The following MYOM1 variants were observed in gnomAD, a reference collection of about 807,000 sequenced individuals.
MYOM1 encodes the protein myomesin 1, also known as myomesin-1.
A neutral mutation model predicts 205.3 loss-of-function variants in MYOM1; 164 were observed. The observed-to-expected ratio is 0.80, with a 90% CI of 0.70 to 0.91. MYOM1 has a LOEUF of 0.91. MYOM1 is among the 40% of genes least tolerant of loss of function. The pLI is 0.00. For missense variants in MYOM1, 2,011 were observed against 2,127.3 expected, an observed-to-expected ratio of 0.95 and a Z score of 1.08; for synonymous variants, 772 against 789.4, an observed-to-expected ratio of 0.98 and a Z score of 0.37.
intron 13 of MYOM1, among the ~76,000 whole-genome samples, chr18:3,148,269 C>T (rs2080158265): frequency 6.6e-6 from 1 of 152,306 alleles, no homozygotes; most frequent in South Asian, 2.1e-4. Context: ...CATATGTCCA[C>T]AGAAACAGTT....
At chr18:3,164,869 T>C (rs1416719775) in intron 9 of MYOM1, among the ~76,000 whole-genome samples, 1 of 152,250 alleles carries the variant, frequency 6.6e-6, no homozygotes, top group Non-Finnish European at 1.5e-5. Context: ...CCTTGATTGA[T>C]AATAAGATAT....
chr18:3,218,040 G>A (rs2081291298), intron 1 of MYOM1, among the ~76,000 whole-genome samples: 1 of 152,106 alleles, frequency 6.6e-6, no homozygotes, highest in African/African-American at 2.4e-5. Flanking sequence ...TAAGAGAGTC[G>A]ATTCCCAGGG....
In MYOM1 at chr18:3,141,991, C is replaced by T; in HGVS notation, c.1973G>A (p.Trp658Ter). 1.2e-6 allele frequency: 2 copies of T among 1,613,860 alleles called. No individual in the cohort carries two copies. The highest frequency in any genetic ancestry group is 2.7e-5 in the African/African-American group (2 of 75,006). ...EATRSYVVLS[W>*]KPPGQRGHEG... ...ATGACCACGCTGGCCAGGGGGCTTC[C>T]AGCTGAGCACCACATAGCTCCGGGT... Residue 658 changes from tryptophan (W) to a stop codon, truncating the protein, a stop_gained, in exon 14 of 38, where the codon TGG becomes TAG. Coordinates refer to ENST00000356443, the MANE Select transcript of MYOM1 (RefSeq NM_003803.4). LOFTEE classifies it high-confidence loss of function.
chr18:3,136,120 CTTCT>C (rs1274688376), intron 14 of MYOM1, among the ~76,000 whole-genome samples: 3 of 151,596 alleles, frequency 2.0e-5, no homozygotes, highest in Non-Finnish European at 4.4e-5. Flanking sequence ...CTTGGCTCTC[CTTCT>C]GTCTTGCCTG....
In MYOM1 at chr18:3,209,312, G is replaced by C. The variant is rs896028773; in HGVS notation, c.290+5622C>G. 6.6e-6 allele frequency among the ~76,000 whole-genome samples: 1 copy of C among 152,270 alleles called. No individual in the cohort carries two copies. The highest frequency in any genetic ancestry group is 6.5e-5 in the Admixed American group (1 of 15,292). On this transcript the variant is annotated intron_variant, in intron 2 of 37. Coordinates refer to ENST00000356443, the MANE Select transcript of MYOM1 (RefSeq NM_003803.4). This position sits in a 1 kb window ranked among gnomAD's most constrained non-coding sequence, Gnocchi z 4.0. ...CTGACGGAATTCAGAACTCAGCCATGACCAGTAGATCCTCACATCTGGCCA... is the reference window on the plus strand; with the variant it reads ...CTGACGGAATTCAGAACTCAGCCATCACCAGTAGATCCTCACATCTGGCCA...
chr18:3,197,737 G>A (rs1487252727), intron 2 of MYOM1, among the ~76,000 whole-genome samples: 7 of 151,880 alleles, frequency 4.6e-5, no homozygotes, highest in Non-Finnish European at 7.4e-5. Context: ...GCTGGGCATG[G>A]TGGCAGGCGC....
chr18:3,202,261 C>T (rs2081078521), intron 2 of MYOM1, among the ~76,000 whole-genome samples: 1 of 151,818 alleles, frequency 6.6e-6, no homozygotes, highest in Non-Finnish European at 1.5e-5. Context: ...CAAAATAAGG[C>T]AATAAAGGAG....
intron 19 of MYOM1, among the ~76,000 whole-genome samples, chr18:3,121,531 G>C (rs1022561135): frequency 2.6e-5 from 4 of 152,178 alleles, no homozygotes; most frequent in African/African-American, 9.7e-5. Flanking sequence ...ATATTGGTAA[G>C]TTGAATCTAT....
intron 22 of MYOM1, among the ~76,000 whole-genome samples, chr18:3,106,975 T>C (rs548776345): frequency 3.7e-4 from 57 of 152,202 alleles, no homozygotes; most frequent in Non-Finnish European, 8.1e-4. Context: ...GCAATATCTG[T>C]AGTGGGTAGA....
At chr18:3,149,045 C>A in intron 13 of MYOM1, 100 bp downstream of exon 13, 2 of 916,264 alleles carry the variant, frequency 2.2e-6, no homozygotes, top group Non-Finnish European at 3.6e-6. Flanking sequence ...AATGTTCTTA[C>A]CAAAACATCT....
chr18:3,191,929 A>C lies in MYOM1; in HGVS notation c.431+1889T>G, dbSNP rs568654277. ...GCCAGGATGGTCTCAATCTCCTGAC[A>C]TTGTGATCTGCCCGCCTCAGCCTCC... On this transcript the variant is annotated intron_variant, in intron 3 of 37. Transcript: ENST00000356443. Among the ~76,000 whole-genome samples, 575 of 151,994 alleles carry C rather than the reference A, an allele frequency of 3.8e-3. 3 individuals carry two copies. The highest frequency in any genetic ancestry group is 7.4e-3 in the African/African-American group (308 of 41,438).
At chr18:3,112,746 T>C (rs1049695677) in intron 21 of MYOM1, among the ~76,000 whole-genome samples, 1 of 152,228 alleles carries the variant, frequency 6.6e-6, no homozygotes, top group Non-Finnish European at 1.5e-5. Flanking sequence ...CTGTATTCTT[T>C]GGTCAAAAGG....
At chr18:3,193,990 C>T (rs1567961894) in intron 2 of MYOM1, 32 bp from the exon 3 acceptor site, 3 of 1,587,504 alleles carry the variant, frequency 1.9e-6, no homozygotes, top group Admixed American at 1.8e-5. Context: ...CAGACAGTAA[C>T]AAAAAAAGGC....
chr18:3,165,478 T>G (rs1373971467), intron 9 of MYOM1, among the ~76,000 whole-genome samples: 2 of 151,942 alleles, frequency 1.3e-5, no homozygotes, highest in African/African-American at 4.9e-5. Context: ...AAGTTTCATA[T>G]GAAAATGTTC....
In MYOM1 at chr18:3,188,999, T is replaced by C. The variant is rs778845475; in HGVS notation, c.520A>G (p.Ser174Gly). The C allele has an allele frequency of 5.6e-6, 9 of 1,613,602 alleles. 1 individual carries two copies. In the South Asian group the frequency reaches 7.7e-5, roughly 14 times the overall value. Residue 174 changes from serine to glycine, a missense_variant, in exon 4 of 38, where the codon AGT becomes GGT. Coordinates refer to ENST00000356443, the MANE Select transcript of MYOM1 (RefSeq NM_003803.4). ...TTAGATGTTGTGATTCCTTCCTCAC[T>C]AGCAAGAAGATTCCTCTGGGCTATA... ...AYIAQRNLLA[S>G]EEGITTSKQS...
intron 13 of MYOM1, among the ~76,000 whole-genome samples, chr18:3,144,615 A>G (rs2080098778): frequency 6.6e-6 from 1 of 152,218 alleles, no homozygotes; most frequent in South Asian, 2.1e-4. Context: ...AAAGGCACAC[A>G]TAGGCTAAGT....
At chr18:3,199,619 A>G (rs1162285587) in intron 2 of MYOM1, among the ~76,000 whole-genome samples, 1 of 152,184 alleles carries the variant, frequency 6.6e-6, no homozygotes, top group Non-Finnish European at 1.5e-5. Flanking sequence ...AGGTGGGTGG[A>G]TCACGAGGTC....
chr18:3,168,104 C>T (rs947048210), intron 9 of MYOM1, among the ~76,000 whole-genome samples: 1 of 152,114 alleles, frequency 6.6e-6, no homozygotes, highest in Non-Finnish European at 1.5e-5. Context: ...TATAAAAAGC[C>T]TTTAATACGT....
chr18:3,165,356 T>C lies in MYOM1; in HGVS notation c.1340-917A>G, dbSNP rs181540342. Among the ~76,000 whole-genome samples the C allele has an allele frequency of 1.4e-3, 213 of 152,352 alleles. 1 individual carries two copies. Among genetic ancestry groups the C allele is most frequent in the Non-Finnish European group, 2.3e-3 (156 of 68,028 alleles). On this transcript the variant is annotated intron_variant, in intron 9 of 37. Transcript: ENST00000356443. ...AGGTGACACTACAAGCCGAACATGA[T>C]TTCATGATTTGTATAAAATTCAGGA... is the stretch of plus-strand genomic sequence containing the variant.
Sources: allele counts gnomAD v4.1 joint callset (sites outside exome capture counted in the v4.1 genomes callset), GRCh38; gene constraint gnomAD v4.1.1; non-coding constraint Gnocchi (gnomAD v3.1); transcripts MANE v1.5; gene names NCBI Gene and HGNC (gene_info 2026-07-23, HGNC 2026-07-21).